Variants in WWOX observed in about 807,000 individuals in gnomAD.
WWOX encodes the protein WW domain containing oxidoreductase.
Under a neutral mutation model 46.2 loss-of-function variants are expected in WWOX, and 69 were observed. The ratio of observed to expected loss-of-function variants is 1.49; its 90% CI spans 1.23 to 1.82. WWOX has a LOEUF of 1.82. Among genes scored for constraint, WWOX ranks in the 40% most tolerant of loss-of-function variants. The probability of loss-of-function intolerance (pLI) is 0.00; values close to 1 mark genes in which losing one functional copy is unlikely to be tolerated. For missense variants in WWOX, 919 were observed against 542.6 expected (o/e 1.69, Z -6.89); for synonymous variants, 359 against 202.6 (o/e 1.77, Z -6.56).
chr16:78,962,604 G>C (rs1201440772), intron 8 of WWOX, among the ~76,000 whole-genome samples: 2 of 152,126 alleles, frequency 1.3e-5, no homozygotes, highest in Non-Finnish European at 2.9e-5. Flanking sequence ...CACAGGAAGA[G>C]GAGGGCATTC....
chr16:78,562,939 C>A (rs1040293415), intron 8 of WWOX, among the ~76,000 whole-genome samples: 5 of 152,112 alleles, frequency 3.3e-5, no homozygotes, highest in African/African-American at 1.2e-4. Context: ...CAAACTCTTA[C>A]TCTGCCATAT....
At chr16:78,410,031 C>T (rs2151949203) in intron 6 of WWOX, among the ~76,000 whole-genome samples, 1 of 152,306 alleles carries the variant, frequency 6.6e-6, no homozygotes, top group South Asian at 2.1e-4. Context: ...GTATTTGGAT[C>T]ATGGGGGTGG....
At chr16:78,468,268 T>TC (rs2084130465) in intron 8 of WWOX, among the ~76,000 whole-genome samples, 1 of 151,416 alleles carries the variant, frequency 6.6e-6, no homozygotes, top group African/African-American at 2.4e-5. Flanking sequence ...GCCTTTCTTT[T>TC]TTTTTTTTTT....
intron 8 of WWOX, among the ~76,000 whole-genome samples, chr16:78,555,897 T>C (rs138862327): frequency 6.6e-6 from 1 of 152,248 alleles, no homozygotes; most frequent in African/African-American, 2.4e-5. Flanking sequence ...TCTCCGATTC[T>C]TAAAAGTGTC....
At chr16:78,629,290 G>C (rs1303442020) in intron 8 of WWOX, among the ~76,000 whole-genome samples, 5 of 150,996 alleles carry the variant, frequency 3.3e-5, no homozygotes, top group Non-Finnish European at 7.4e-5. Context: ...GTGAGGTTAG[G>C]CCTTCCTTTG....
chr16:78,458,220 C>T (rs776204968), intron 8 of WWOX, among the ~76,000 whole-genome samples: 1 of 149,040 alleles, frequency 6.7e-6, no homozygotes, highest in African/African-American at 2.5e-5. Flanking sequence ...CTGCCCACTT[C>T]TATTCCCTGC....
chr16:78,157,315 G>A (rs1284348950), intron 4 of WWOX, among the ~76,000 whole-genome samples: 5 of 152,088 alleles, frequency 3.3e-5, no homozygotes, highest in Non-Finnish European at 5.9e-5. Context: ...TTCGGTGCCT[G>A]CCCCCAGCCA....
chr16:78,687,868 T>G (rs927140633), intron 8 of WWOX, among the ~76,000 whole-genome samples: 2 of 152,132 alleles, frequency 1.3e-5, no homozygotes, highest in African/African-American at 4.8e-5. Context: ...TAGAACAGAT[T>G]AAAAATTAGC....
intron 8 of WWOX, among the ~76,000 whole-genome samples, chr16:78,952,807 G>C (rs145555849): frequency 6.8e-4 from 104 of 152,304 alleles, no homozygotes; most frequent in African/African-American, 2.3e-3. Flanking sequence ...CTGTTAACAA[G>C]TGTTTATTGA....
At chr16:79,073,728 G>A (rs1305111601) in intron 8 of WWOX, among the ~76,000 whole-genome samples, 1 of 152,104 alleles carries the variant, frequency 6.6e-6, no homozygotes, top group Non-Finnish European at 1.5e-5. Flanking sequence ...TCTAGTAAAT[G>A]GGACGTTAGC....
chr16:78,915,714 C>A (rs189014720), intron 8 of WWOX, among the ~76,000 whole-genome samples: 1 of 151,558 alleles, frequency 6.6e-6, no homozygotes, highest in African/African-American at 2.4e-5. Context: ...AAAAATTGCA[C>A]CAGTTCTCAT....
chr16:78,201,126 A>C (rs1749087620), intron 5 of WWOX, among the ~76,000 whole-genome samples: 1 of 152,204 alleles, frequency 6.6e-6, no homozygotes, highest in Non-Finnish European at 1.5e-5. Context: ...CACCTAAATA[A>C]AATGTTTTTG....
At position 78,288,267 on chromosome 16, in the gene WWOX, C is replaced by CTTTTTTTT. The variant is rs201333228; in HGVS notation, c.517-98584_517-98577dup. 2.3e-4 allele frequency among the ~76,000 whole-genome samples: 29 copies of CTTTTTTTT among 124,668 alleles called. 2 individuals carry two copies. The highest frequency in any genetic ancestry group is 7.1e-4 in the East Asian group (3 of 4,202). 81.8% of individuals were successfully genotyped at this position (124,668 alleles called of 152,430 possible). A position where few individuals can be genotyped will look rare whatever the true frequency, so the allele number is the denominator to read the frequency against. ...GTGTGATGAATTATTTATGAGTTTA[C>CTTTTTTTT]TTTTTTTTTTTTTTTTGCTTTAACA... On this transcript the variant is annotated intron_variant, in intron 5 of 8. Transcript: ENST00000566780.
At chr16:78,172,533 A>T (rs547731812) in intron 5 of WWOX, among the ~76,000 whole-genome samples, 1 of 150,488 alleles carries the variant, frequency 6.6e-6, no homozygotes, top group Non-Finnish European at 1.5e-5. Context: ...AAAATTTTGC[A>T]CCGACTTAGT....
intron 8 of WWOX, among the ~76,000 whole-genome samples, chr16:79,011,316 T>C (rs1370370658): frequency 1.3e-5 from 2 of 151,810 alleles, no homozygotes; most frequent in Admixed American, 6.6e-5. Flanking sequence ...TTACGTAGTA[T>C]TATCTAATAT....
chr16:78,598,191 C>T (rs1001449777), intron 8 of WWOX, among the ~76,000 whole-genome samples: 6 of 152,242 alleles, frequency 3.9e-5, no homozygotes, highest in Admixed American at 3.3e-4. Flanking sequence ...ATCATATTCT[C>T]AAGAAGAAAT....
chr16:78,810,991 T>A (rs956279111), intron 8 of WWOX, among the ~76,000 whole-genome samples: 1 of 152,130 alleles, frequency 6.6e-6, no homozygotes, highest in African/African-American at 2.4e-5. Flanking sequence ...CGAGGACGCA[T>A]CAAAGAGCTT....
intron 8 of WWOX, among the ~76,000 whole-genome samples, chr16:79,092,884 G>C (rs1388177812): frequency 6.6e-6 from 1 of 152,162 alleles, no homozygotes; most frequent in African/African-American, 2.4e-5. Context: ...AGTGGAGTTT[G>C]GATTTCAACT....
chr16:78,143,680 T>C (rs960932677), intron 4 of WWOX, among the ~76,000 whole-genome samples: 4 of 151,734 alleles, frequency 2.6e-5, no homozygotes, highest in Non-Finnish European at 5.9e-5. Flanking sequence ...ATGTTTCCTA[T>C]ATAAGGATTC....
Sources: allele counts gnomAD v4.1 joint callset (sites outside exome capture counted in the v4.1 genomes callset), GRCh38; gene constraint gnomAD v4.1.1; transcripts MANE v1.5; gene names NCBI Gene and HGNC (gene_info 2026-07-23, HGNC 2026-07-21).